The following KCNN3 variants were observed in gnomAD, a reference collection of about 807,000 sequenced individuals.
KCNN3 encodes potassium calcium-activated channel subfamily N member 3, also known as small conductance calcium-activated potassium channel protein 3.
A neutral mutation model predicts 62.9 loss-of-function variants in KCNN3; 16 were observed. That is an observed-to-expected ratio of 0.25 (90% confidence interval 0.17 to 0.39). The LOEUF (loss-of-function observed/expected upper bound fraction) is 0.39, where lower values mean the gene tolerates loss of function less well. Among genes scored for constraint, KCNN3 ranks in the 10% least tolerant of loss-of-function variants. KCNN3 has a pLI of 1.00. For missense variants in KCNN3, 599 were observed against 949.4 expected (o/e 0.63, Z 4.85); for synonymous variants, 370 against 389.2 (o/e 0.95, Z 0.58).
chr1:154,845,709 G>A (rs1301244601), intron 1 of KCNN3, among the ~76,000 whole-genome samples: 1 of 152,140 alleles, frequency 6.6e-6, no homozygotes, highest in African/African-American at 2.4e-5. Flanking sequence ...CACTTCCCTA[G>A]GGCCGTGCCC....
At chr1:154,846,107 T>C (rs1371171004) in intron 1 of KCNN3, among the ~76,000 whole-genome samples, 2 of 152,290 alleles carry the variant, frequency 1.3e-5, no homozygotes, top group East Asian at 3.9e-4. Context: ...GCTTTCCTTC[T>C]GGAACCCATC....
At chr1:154,711,622 C>G (rs1238024331) in intron 7 of KCNN3, among the ~76,000 whole-genome samples, 1 of 152,104 alleles carries the variant, frequency 6.6e-6, no homozygotes, top group Non-Finnish European at 1.5e-5. Flanking sequence ...AAGAAACATC[C>G]TGGGGCAGTT....
chr1:154,785,458 C>A (rs997004946), intron 2 of KCNN3, among the ~76,000 whole-genome samples: 1 of 152,172 alleles, frequency 6.6e-6, no homozygotes, highest in Non-Finnish European at 1.5e-5. Context: ...TGCACTGTCA[C>A]CCCTTCAGGG....
At chr1:154,722,524 G>A (rs12043822) in intron 5 of KCNN3, among the ~76,000 whole-genome samples, 9,269 of 149,086 alleles carry the variant, frequency 0.062, 464 homozygotes, top group East Asian at 0.18. Flanking sequence ...AGTACCTGGG[G>A]CTACAGGCAC....
At chr1:154,819,533 G>A (rs1650806123) in intron 2 of KCNN3, among the ~76,000 whole-genome samples, 1 of 152,144 alleles carries the variant, frequency 6.6e-6, no homozygotes, top group Non-Finnish European at 1.5e-5. Flanking sequence ...ATATACAAGG[G>A]CGCTCCGTAG....
chr1:154,770,931 C>T (rs1397708251), intron 3 of KCNN3, among the ~76,000 whole-genome samples: 1 of 152,058 alleles, frequency 6.6e-6, no homozygotes, highest in Non-Finnish European at 1.5e-5. Context: ...GTGGCGCATG[C>T]CTGTAATCTC....
intron 5 of KCNN3, among the ~76,000 whole-genome samples, chr1:154,722,385 A>ATTTTT (rs11347024): frequency 2.9e-5 from 3 of 102,042 alleles, no homozygotes; most frequent in African/African-American, 7.4e-5. Context: ...TGAGCTTAGC[A>ATTTTT]TTTTTTTTTT....
intron 5 of KCNN3, 26 bp from the exon 6 acceptor site, chr1:154,715,029 T>C: frequency 1.2e-6 from 2 of 1,613,088 alleles, no homozygotes; most frequent in Non-Finnish European, 8.5e-7. Flanking sequence ...TAAAGTAGGC[T>C]GCTATCAGGT....
At chr1:154,829,242 A>G (rs2101900767) in intron 1 of KCNN3, among the ~76,000 whole-genome samples, 1 of 152,376 alleles carries the variant, frequency 6.6e-6, no homozygotes, top group South Asian at 2.1e-4. Flanking sequence ...AGGCTGGGAC[A>G]GCCAGGAATG....
At chr1:154,822,473 T>A (rs1455224373) in intron 1 of KCNN3, among the ~76,000 whole-genome samples, 1 of 152,246 alleles carries the variant, frequency 6.6e-6, no homozygotes, top group African/African-American at 2.4e-5. Flanking sequence ...TTATGTTTGT[T>A]ATACACGGCT....
chr1:154,828,483 TG>T (rs896319503), intron 1 of KCNN3, among the ~76,000 whole-genome samples: 53 of 152,172 alleles, frequency 3.5e-4, no homozygotes, highest in African/African-American at 1.3e-3. Context: ...TTTTTAGTCA[TG>T]GGGGGGCTAA....
intron 2 of KCNN3, among the ~76,000 whole-genome samples, chr1:154,803,936 A>G (rs6426944): frequency 0.7 from 107,020 of 152,100 alleles, 37,862 homozygotes; most frequent in Admixed American, 0.78. Flanking sequence ...TCCCAGAGGA[A>G]CATTTTCCAA....
intron 2 of KCNN3, among the ~76,000 whole-genome samples, chr1:154,780,505 C>G (rs1648992473): frequency 6.7e-6 from 1 of 148,804 alleles, no homozygotes; most frequent in Non-Finnish European, 1.5e-5. Flanking sequence ...GGGAAAATTT[C>G]CATCATTTAA....
intron 1 of KCNN3, among the ~76,000 whole-genome samples, chr1:154,828,955 A>G (rs1189841348): frequency 6.6e-6 from 1 of 152,178 alleles, no homozygotes; most frequent in Non-Finnish European, 1.5e-5. Flanking sequence ...ACATATATTC[A>G]CTGAGCACTT....
chr1:154,857,108 C>T (rs936009310), intron 1 of KCNN3, among the ~76,000 whole-genome samples: 1 of 152,188 alleles, frequency 6.6e-6, no homozygotes, highest in Non-Finnish European at 1.5e-5. Context: ...TGGTGCTGAA[C>T]CCCCAGAACC....
chr1:154,782,364 G>A (rs930328902), intron 2 of KCNN3, among the ~76,000 whole-genome samples: 2 of 152,216 alleles, frequency 1.3e-5, no homozygotes, highest in African/African-American at 4.8e-5. Context: ...TTTTTTCACA[G>A]TTCTGGAGGC....
At chr1:154,726,097 A>T in intron 4 of KCNN3, 71 bp from the exon 5 acceptor site, 1 of 1,185,578 alleles carries the variant, frequency 8.4e-7, no homozygotes, top group Non-Finnish European at 1.2e-6. Flanking sequence ...GAGACTCAAC[A>T]CGCCTGGCGG....
chr1:154,714,608 GTGTGGT>G (rs1225895541), intron 6 of KCNN3, among the ~76,000 whole-genome samples: 3 of 22,996 alleles, frequency 1.3e-4, no homozygotes, highest in Non-Finnish European at 1.8e-4. Context: ...GATGTGTGGT[GTGTGGT>G]GTGTGTGTGT....
At chr1:154,763,997 T>G (rs1011783834) in intron 3 of KCNN3, among the ~76,000 whole-genome samples, 1 of 152,228 alleles carries the variant, frequency 6.6e-6, no homozygotes, top group Non-Finnish European at 1.5e-5. Flanking sequence ...TGAATTCATT[T>G]TGGTTTAAAA....
Sources: allele counts gnomAD v4.1 joint callset (sites outside exome capture counted in the v4.1 genomes callset), GRCh38; gene constraint gnomAD v4.1.1; transcripts MANE v1.5; gene names NCBI Gene and HGNC (gene_info 2026-07-23, HGNC 2026-07-21).